Variants in BBS9 observed in about 807,000 individuals in gnomAD.
The protein encoded by BBS9 is protein PTHB1.
Under a neutral mutation model 117.7 loss-of-function variants are expected in BBS9, and 89 were observed. That is an observed-to-expected ratio of 0.76 (90% confidence interval 0.64 to 0.90). BBS9 has a LOEUF of 0.90. Ranked by LOEUF, BBS9 falls within the 40% of genes least tolerant of loss-of-function variation. The pLI is 0.00. For synonymous variants in BBS9, 379 were observed against 370.9 expected (o/e 1.02, Z -0.25); for missense variants, 982 against 1,042.2 (o/e 0.94, Z 0.80).
At chr7:33,390,747 C>T (rs1826922321) in intron 19 of BBS9, 2 of 385,818 alleles carry the variant, frequency 5.2e-6, no homozygotes, top group Non-Finnish European at 7.1e-6. Context: ...CATCTTGGTT[C>T]CTTATCATCT....
chr7:33,246,792 C>T (rs944589208), intron 5 of BBS9, among the ~76,000 whole-genome samples: 17 of 151,896 alleles, frequency 1.1e-4, no homozygotes, highest in East Asian at 3.9e-4. Flanking sequence ...AGAGAGAATA[C>T]GAATGTGAAT....
intron 7 of BBS9, among the ~76,000 whole-genome samples, chr7:33,271,999 A>G (rs1012666606): frequency 6.6e-6 from 1 of 152,222 alleles, no homozygotes; most frequent in African/African-American, 2.4e-5. Flanking sequence ...CAAAATATCC[A>G]TCAAAGGTAG....
intron 5 of BBS9, among the ~76,000 whole-genome samples, chr7:33,226,565 G>C (rs1295129730): frequency 6.6e-6 from 1 of 152,134 alleles, no homozygotes; most frequent in Non-Finnish European, 1.5e-5. Context: ...AGTAAAAGCA[G>C]GGATTAGGAA....
intron 19 of BBS9, among the ~76,000 whole-genome samples, chr7:33,464,539 C>G (rs1237535029): frequency 6.6e-6 from 1 of 151,920 alleles, no homozygotes; most frequent in African/African-American, 2.4e-5. Context: ...TTAAAGGTCT[C>G]CATTTAGATG....
At chr7:33,368,079 A>C (rs1482754508) in intron 17 of BBS9, among the ~76,000 whole-genome samples, 1 of 152,176 alleles carries the variant, frequency 6.6e-6, no homozygotes, top group Non-Finnish European at 1.5e-5. Context: ...CCTTACCATG[A>C]TCTAAATTTC....
intron 19 of BBS9, among the ~76,000 whole-genome samples, chr7:33,491,744 C>T (rs1343591492): frequency 2.6e-5 from 4 of 152,114 alleles, no homozygotes; most frequent in Non-Finnish European, 5.9e-5. Flanking sequence ...GATTATGACA[C>T]ATACTTTGGT....
At chr7:33,620,912 C>T (rs1440814180) in intron 21 of BBS9, among the ~76,000 whole-genome samples, 1 of 152,078 alleles carries the variant, frequency 6.6e-6, no homozygotes, top group African/African-American at 2.4e-5. Context: ...TGGAACATAA[C>T]AGAGTCCAGA....
intron 19 of BBS9, among the ~76,000 whole-genome samples, chr7:33,446,175 C>T (rs891450283): frequency 6.6e-6 from 1 of 152,056 alleles, no homozygotes; most frequent in Non-Finnish European, 1.5e-5. Flanking sequence ...CAACAAAACT[C>T]TTTCATCATG....
At chr7:33,594,484 C>A (rs141415964) in intron 21 of BBS9, among the ~76,000 whole-genome samples, 229 of 152,138 alleles carry the variant, frequency 1.5e-3, no homozygotes, top group African/African-American at 5.3e-3. Context: ...TTACAAGGAA[C>A]GTAGAAAACT....
intron 5 of BBS9, among the ~76,000 whole-genome samples, chr7:33,207,976 T>G (rs1051196582): frequency 6.6e-6 from 1 of 152,020 alleles, no homozygotes; most frequent in Non-Finnish European, 1.5e-5. Context: ...CCTGGCTTAT[T>G]TTTTGTATTT....
intron 9 of BBS9, among the ~76,000 whole-genome samples, chr7:33,332,199 T>C (rs1584364855): frequency 6.6e-6 from 1 of 151,090 alleles, no homozygotes; most frequent in African/African-American, 2.4e-5. Context: ...ATAAATTCAG[T>C]AAAAGACACC....
chr7:33,347,333 G>C (rs1354761383), intron 12 of BBS9, among the ~76,000 whole-genome samples: 2 of 151,876 alleles, frequency 1.3e-5, no homozygotes, highest in East Asian at 3.9e-4. Context: ...TATTTAAATT[G>C]TGTCTTGTTT....
chr7:33,486,391 T>C (rs1843117877), intron 19 of BBS9, among the ~76,000 whole-genome samples: 1 of 152,238 alleles, frequency 6.6e-6, no homozygotes, highest in Non-Finnish European at 1.5e-5. Flanking sequence ...TGTTCAGTTG[T>C]ATCACAGTTG....
chr7:33,496,678 T>G (rs973885048), intron 19 of BBS9, among the ~76,000 whole-genome samples: 1 of 152,166 alleles, frequency 6.6e-6, no homozygotes, highest in Non-Finnish European at 1.5e-5. Context: ...AGAATTAGAT[T>G]CTTGCTATGC....
intron 21 of BBS9, among the ~76,000 whole-genome samples, chr7:33,592,284 A>C (rs1862054818): frequency 6.6e-6 from 1 of 152,044 alleles, no homozygotes. Flanking sequence ...CCCCATTACA[A>C]GCATCTAATT....
chr7:33,183,126 C>T (rs1390691788), intron 5 of BBS9, among the ~76,000 whole-genome samples: 2 of 152,020 alleles, frequency 1.3e-5, no homozygotes, highest in African/African-American at 4.8e-5. Context: ...TTTCTAATAC[C>T]CCCAAAAGTA....
At chr7:33,221,468 A>G (rs1223635353) in intron 5 of BBS9, among the ~76,000 whole-genome samples, 1 of 152,234 alleles carries the variant, frequency 6.6e-6, no homozygotes, top group Non-Finnish European at 1.5e-5. Flanking sequence ...GTATTAAAAT[A>G]TCTATCTTTG....
At position 33,359,727 on chromosome 7, in the gene BBS9, C is replaced by A. The variant is rs1056129344; in HGVS notation, c.1693+1732C>A. On this transcript the variant is annotated intron_variant, in intron 16 of 22. Transcript: ENST00000242067. ...GTCTGTTTTTTTTAACTGAAAGAAGCAAAATTAATGAGCTTTATAGAGAAG... is the reference window on the plus strand; with the variant it reads ...GTCTGTTTTTTTTAACTGAAAGAAGAAAAATTAATGAGCTTTATAGAGAAG... Among the ~76,000 whole-genome samples, 20 of 152,018 alleles carry A rather than the reference C, an allele frequency of 1.3e-4. 1 individual carries two copies. Among genetic ancestry groups the A allele is most frequent in the Middle Eastern group, 6.8e-3 (2 of 294 alleles).
intron 19 of BBS9, among the ~76,000 whole-genome samples, chr7:33,446,665 T>C (rs1837045228): frequency 6.6e-6 from 1 of 152,224 alleles, no homozygotes; most frequent in Non-Finnish European, 1.5e-5. Flanking sequence ...ATTTTCATTG[T>C]CTTATCTGCA....
Sources: gnomAD v4.1 joint callset for allele counts (sites outside exome capture counted in the v4.1 genomes callset) on GRCh38, gnomAD v4.1.1 for gene constraint, MANE v1.5 for transcripts, NCBI Gene and HGNC (gene_info 2026-07-23, HGNC 2026-07-21) for gene names.